The following SPOCK3 variants were observed in gnomAD, a reference collection of about 807,000 sequenced individuals.
SPOCK3 encodes SPARC (osteonectin), cwcv and kazal like domains proteoglycan 3.
SPOCK3 carries 30 observed loss-of-function variants against 56.6 expected under a neutral mutation model. The observed-to-expected ratio is 0.53, with a 90% CI of 0.40 to 0.72. The LOEUF (loss-of-function observed/expected upper bound fraction) is 0.72. SPOCK3 is among the 30% of genes least tolerant of loss of function. The pLI, the probability that SPOCK3 is intolerant of heterozygous loss-of-function variation, is 0.00. For missense variants in SPOCK3, 527 were observed against 530.0 expected, an observed-to-expected ratio of 0.99 and a Z score of 0.06; for synonymous variants, 196 against 183.3, an observed-to-expected ratio of 1.07 and a Z score of -0.56.
At chr4:167,230,214 T>G (rs1456239354) in intron 2 of SPOCK3, among the ~76,000 whole-genome samples, 1 of 151,966 alleles carries the variant, frequency 6.6e-6, no homozygotes, top group Non-Finnish European at 1.5e-5. Context: ...CATTACTAAG[T>G]AATTCATTGG....
chr4:167,159,637 C>G (rs1055069251), intron 2 of SPOCK3, among the ~76,000 whole-genome samples: 3 of 152,024 alleles, frequency 2.0e-5, no homozygotes, highest in Admixed American at 2.0e-4. Flanking sequence ...TGCAAAAATT[C>G]TCAATAAAAT....
chr4:167,167,485 T>C (rs1200891802), intron 2 of SPOCK3, among the ~76,000 whole-genome samples: 1 of 152,190 alleles, frequency 6.6e-6, no homozygotes, highest in Admixed American at 6.6e-5. Flanking sequence ...CCTATTAAAA[T>C]ACTTTCAGAA....
At chr4:167,185,833 T>C (rs1731901231) in intron 2 of SPOCK3, among the ~76,000 whole-genome samples, 1 of 152,182 alleles carries the variant, frequency 6.6e-6, no homozygotes, top group Non-Finnish European at 1.5e-5. Context: ...AAAATAAAAA[T>C]GCAAATATTA....
chr4:167,147,845 A>G lies in SPOCK3; in HGVS notation c.190-85308T>C, dbSNP rs140483536. Among the ~76,000 whole-genome samples the G allele has an allele frequency of 9.8e-3, 1,483 of 152,102 alleles. 14 individuals are homozygous for G. The highest frequency in any genetic ancestry group is 0.013 in the Non-Finnish European group (910 of 67,978). On this transcript the variant is annotated intron_variant, in intron 2 of 10. Coordinates refer to ENST00000357545, the MANE Select transcript of SPOCK3 (RefSeq NM_001040159.2). ...ACTGGGGAAGGGATAACATTAGGAGAAATATCTAATGTAGGTGACGGGTGG... is the reference window on the plus strand; with the variant it reads ...ACTGGGGAAGGGATAACATTAGGAGGAATATCTAATGTAGGTGACGGGTGG...
rs377199025 is a variant in SPOCK3, at chr4:166,735,022, C to T, written c.1201G>A (p.Asp401Asn). ...TCATCATTCATAATATCGTCTTCATCATCCTCATCATCAGTCCATTCATGA... is the reference window on the plus strand; with the variant it reads ...TCATCATTCATAATATCGTCTTCATTATCCTCATCATCAGTCCATTCATGA... ...DFHEWTDDEDDEDDIMNDEDE... is the reference protein window; with the variant it reads ...DFHEWTDDEDNEDDIMNDEDE... The change falls in exon 11 of 11, where the codon GAT (aspartate) becomes AAT (asparagine). Residue 401 changes from aspartate (D) to asparagine (N), a missense_variant. Physicochemically the swap from Asp to Asn is conservative, Grantham distance 23. Transcript: ENST00000357545. The T allele has an allele frequency of 2.5e-6, 4 of 1,578,418 alleles. No homozygotes were observed. Among genetic ancestry groups the T allele is most frequent in the African/African-American group, 2.7e-5 (2 of 74,206 alleles).
At chr4:167,172,465 C>A (rs1730589416) in intron 2 of SPOCK3, among the ~76,000 whole-genome samples, 1 of 152,060 alleles carries the variant, frequency 6.6e-6, no homozygotes. Context: ...AACTGACAAC[C>A]AACCATTCAT....
intron 2 of SPOCK3, among the ~76,000 whole-genome samples, chr4:167,109,894 C>G (rs1179469166): frequency 1.3e-5 from 2 of 151,800 alleles, no homozygotes; most frequent in Non-Finnish European, 2.9e-5. Context: ...ATGTTCCTTA[C>G]CACCCCACGC....
chr4:167,023,465 A>AG (rs1243742456), intron 3 of SPOCK3, among the ~76,000 whole-genome samples: 4 of 152,002 alleles, frequency 2.6e-5, no homozygotes, highest in Non-Finnish European at 5.9e-5. Flanking sequence ...GGTTAAAAAA[A>AG]AAAGAAAAGA....
chr4:166,864,735 G>A (rs1382633341), intron 6 of SPOCK3, among the ~76,000 whole-genome samples: 1 of 151,994 alleles, frequency 6.6e-6, no homozygotes, highest in African/African-American at 2.4e-5. Flanking sequence ...AAACCAGGAA[G>A]AAGTCAAATC....
At chr4:166,811,084 T>G (rs1196636058) in intron 6 of SPOCK3, among the ~76,000 whole-genome samples, 1 of 151,906 alleles carries the variant, frequency 6.6e-6, no homozygotes, top group African/African-American at 2.4e-5. Flanking sequence ...CCTTGTATTA[T>G]CCTCTTCTCT....
At chr4:167,203,555 T>C (rs1733724034) in intron 2 of SPOCK3, among the ~76,000 whole-genome samples, 1 of 133,618 alleles carries the variant, frequency 7.5e-6, no homozygotes, top group South Asian at 2.2e-4. Context: ...TTCTATCTGA[T>C]TAAAAAAAAA....
chr4:166,747,612 A>G (rs1407868500), intron 8 of SPOCK3, among the ~76,000 whole-genome samples: 1 of 152,186 alleles, frequency 6.6e-6, no homozygotes, highest in East Asian at 1.9e-4. Flanking sequence ...CCTATTCAAT[A>G]TATTGTTGGA....
chr4:167,192,423 A>G lies in SPOCK3; in HGVS notation c.189+41562T>C, dbSNP rs902441205. ...GGAAGCCATCTGTTCCTGGGCTTTT[A>G]TTTGTTGAGAGACTTTTTTATTAAT... is the stretch of plus-strand genomic sequence containing the variant. On this transcript the variant is annotated intron_variant, in intron 2 of 10. Transcript: ENST00000357545. Among the ~76,000 whole-genome samples the G allele has an allele frequency of 1.4e-5, 2 of 145,380 alleles. 1 individual carries two copies. Among genetic ancestry groups the G allele is most frequent in the East Asian group, 4.2e-4 (2 of 4,812 alleles).
Position 166,737,602 on chromosome 4 carries a change from G to C in SPOCK3, c.997C>G (p.Gln333Glu), listed in dbSNP as rs747369081. ...KRQGVKKLLG[Q>E]YIPLCDEDGY... ...TCTTCATCACACAGGGGGATATACT[G>C]TCCTGTTGAAACAACACACAGGCAT... Residue 333 changes from glutamine (Q) to glutamate (E), a missense_variant and splice_region_variant, in exon 10 of 11, where the codon CAG (glutamine) becomes GAG (glutamate). Coordinates refer to ENST00000357545, the MANE Select transcript of SPOCK3 (RefSeq NM_001040159.2). The C allele has an allele frequency of 2.5e-6, 4 of 1,607,224 alleles. No individual in the cohort carries two copies. Among genetic ancestry groups the C allele is most frequent in the Non-Finnish European group, 2.5e-6 (3 of 1,177,210 alleles).
At position 166,811,323 on chromosome 4, in the gene SPOCK3, T is replaced by C. The variant is rs77849076; in HGVS notation, c.590-19034A>G. Among the ~76,000 whole-genome samples the C allele has an allele frequency of 2.6e-3, 393 of 151,924 alleles. 9 individuals carry two copies. In the East Asian group the frequency reaches 0.059, roughly 23 times the overall value. ...CACTGATACTCTACTCTTCTTTTTT[T>C]TTTACATCTAAAGTTTGCAGTCTAA... On this transcript the variant is annotated intron_variant, in intron 6 of 10. Coordinates refer to ENST00000357545, the MANE Select transcript of SPOCK3 (RefSeq NM_001040159.2).
intron 6 of SPOCK3, among the ~76,000 whole-genome samples, chr4:166,793,483 A>T (rs1339609601): frequency 3.3e-5 from 5 of 152,240 alleles, no homozygotes; most frequent in Non-Finnish European, 5.9e-5. Context: ...TAATGTTTTA[A>T]GAAAGTTTAC....
At chr4:167,233,251 C>T (rs1049534401) in intron 2 of SPOCK3, among the ~76,000 whole-genome samples, 29 of 152,150 alleles carry the variant, frequency 1.9e-4, no homozygotes, top group African/African-American at 6.5e-4. Context: ...GGAAACCTGG[C>T]TCCCTCTTAA....
chr4:167,159,843 C>T (rs1195134059), intron 2 of SPOCK3, among the ~76,000 whole-genome samples: 4 of 152,128 alleles, frequency 2.6e-5, no homozygotes, highest in Non-Finnish European at 5.9e-5. Context: ...TTCAACATCC[C>T]TTCATGCTAA....
At chr4:166,920,470 T>A (rs1452113896) in intron 4 of SPOCK3, among the ~76,000 whole-genome samples, 3 of 152,226 alleles carry the variant, frequency 2.0e-5, no homozygotes, top group Non-Finnish European at 4.4e-5. Flanking sequence ...TTTATTTTCA[T>A]TCAAGATATT....
Sources: allele counts gnomAD v4.1 joint callset (sites outside exome capture counted in the v4.1 genomes callset), GRCh38; gene constraint gnomAD v4.1.1; transcripts MANE v1.5; gene names NCBI Gene and HGNC (gene_info 2026-07-23, HGNC 2026-07-21).